The following KIZ variants were observed in gnomAD, a reference collection of about 807,000 sequenced individuals.
The protein encoded by KIZ is centrosomal protein kizuna.
A neutral mutation model predicts 79.6 loss-of-function variants in KIZ; 68 were observed. The observed-to-expected ratio is 0.85, with a 90% CI of 0.70 to 1.05. The LOEUF (loss-of-function observed/expected upper bound fraction) is 1.05. KIZ is among the 50% of genes least tolerant of loss of function. The pLI is 0.00. For missense variants in KIZ, 797 were observed against 800.4 expected (o/e 1.00, Z 0.05); for synonymous variants, 280 against 281.8 (o/e 0.99, Z 0.06).
intron 10 of KIZ, among the ~76,000 whole-genome samples, chr20:21,230,634 C>T (rs962096865): frequency 5.9e-5 from 9 of 152,072 alleles, no homozygotes; most frequent in African/African-American, 1.9e-4. Context: ...ATTTGGTGAC[C>T]AATGCACATT....
Position 21,139,950 on chromosome 20 carries a change from A to G in KIZ, c.315+3398A>G, listed in dbSNP as rs561506133. On this transcript the variant is annotated intron_variant, in intron 3 of 12. Coordinates refer to ENST00000619189, the MANE Select transcript of KIZ (RefSeq NM_018474.6). ...TACACTCAGGAAGGATGTGAGTTCCATGGAGAACTGGACTTTGGCCATCAC... is the reference window on the plus strand; with the variant it reads ...TACACTCAGGAAGGATGTGAGTTCCGTGGAGAACTGGACTTTGGCCATCAC... Among the ~76,000 whole-genome samples the G allele has an allele frequency of 3.0e-4, 45 of 152,324 alleles. 1 individual carries two copies. In the South Asian group the frequency reaches 9.1e-3, roughly 31 times the overall value.
At chr20:21,131,571 C>T (rs548113090) in intron 1 of KIZ, among the ~76,000 whole-genome samples, 1 of 152,282 alleles carries the variant, frequency 6.6e-6, no homozygotes, top group South Asian at 2.1e-4. Flanking sequence ...ACCCCATCAC[C>T]GAAATGCCAG....
intron 9 of KIZ, among the ~76,000 whole-genome samples, chr20:21,215,977 A>G (rs377516766): frequency 7.9e-5 from 12 of 152,294 alleles, no homozygotes; most frequent in African/African-American, 2.9e-4. Context: ...ACAGCAAACT[A>G]TAGATGTTTC....
At chr20:21,239,621 C>G (rs1401657717) in intron 11 of KIZ, among the ~76,000 whole-genome samples, 2 of 152,176 alleles carry the variant, frequency 1.3e-5, no homozygotes, top group East Asian at 3.9e-4. Flanking sequence ...GTAATTCTTA[C>G]TAACTTTATA....
intron 6 of KIZ, among the ~76,000 whole-genome samples, chr20:21,191,102 A>T (rs1374098916): frequency 2.0e-5 from 3 of 152,202 alleles, no homozygotes; most frequent in Non-Finnish European, 2.9e-5. Flanking sequence ...AAAGCTTGGG[A>T]CATTTTAATG....
chr20:21,139,589 C>T (rs2032400888), intron 3 of KIZ, among the ~76,000 whole-genome samples: 1 of 152,044 alleles, frequency 6.6e-6, no homozygotes, highest in Non-Finnish European at 1.5e-5. Flanking sequence ...AACATTTCTG[C>T]TTATCTTCAT....
Position 21,195,835 on chromosome 20 carries a change from G to T in KIZ, c.1353-9656G>T, listed in dbSNP as rs540063897. ...CTCCTCAGGGGGAGCTTTTGATGGAGGCACTGGCCCCAGCTCTCCACAGCC... is the reference window on the plus strand; with the variant it reads ...CTCCTCAGGGGGAGCTTTTGATGGATGCACTGGCCCCAGCTCTCCACAGCC... On this transcript the variant is annotated intron_variant, in intron 6 of 12. Coordinates refer to ENST00000619189, the MANE Select transcript of KIZ (RefSeq NM_018474.6). 3 of 152,566 alleles carry T rather than the reference G, an allele frequency of 2.0e-5. No individual in the cohort carries two copies. The East Asian group carries it at 5.8e-4, about 29-fold the overall frequency. The allele number at this position is 152,566 out of a possible 1,614,324, so 9.5% of individuals were successfully genotyped here. A position where few individuals can be genotyped will look rare whatever the true frequency, so the allele number is the denominator to read the frequency against.
chr20:21,201,277 A>G (rs1214939323), intron 6 of KIZ, among the ~76,000 whole-genome samples: 2 of 152,252 alleles, frequency 1.3e-5, no homozygotes, highest in South Asian at 2.1e-4. Context: ...AATATGATTC[A>G]TGTGATTTAG....
chr20:21,149,966 G>A (rs1321658526), intron 4 of KIZ, among the ~76,000 whole-genome samples: 1 of 152,216 alleles, frequency 6.6e-6, no homozygotes, highest in East Asian at 1.9e-4. Context: ...AGAGGAAGAT[G>A]GCATGGGGAA....
chr20:21,221,882 G>A (rs2036513348), intron 9 of KIZ, among the ~76,000 whole-genome samples: 1 of 151,642 alleles, frequency 6.6e-6, no homozygotes, highest in Non-Finnish European at 1.5e-5. Context: ...AACACCACTA[G>A]TACTGAGGTT....
At chr20:21,175,488 C>T (rs1368700729) in intron 6 of KIZ, among the ~76,000 whole-genome samples, 2 of 152,110 alleles carry the variant, frequency 1.3e-5, no homozygotes, top group Admixed American at 6.5e-5. Context: ...GGGATTCTAG[C>T]CTCAGTCAGA....
chr20:21,136,792 C>CT lies in KIZ; in HGVS notation c.315+248dup, dbSNP rs373344266. 1.4e-3 allele frequency among the ~76,000 whole-genome samples: 219 copies of CT among 151,806 alleles called. 1 individual carries two copies. Among genetic ancestry groups the CT allele is most frequent in the Non-Finnish European group, 2.2e-3 (152 of 67,906 alleles). On this transcript the variant is annotated intron_variant, in intron 3 of 12. Transcript: ENST00000619189. ...CCCAGGTTTATGTTTTGTTTTTAAT[C>CT]TTTTTTTTGCTAAAATGAGAAATAA...
At chr20:21,162,545 G>C (rs771104025) in intron 5 of KIZ, 38 bp downstream of exon 5, 2 of 1,531,344 alleles carry the variant, frequency 1.3e-6, no homozygotes, top group Middle Eastern at 2.0e-4. Context: ...TGATTTTTCT[G>C]GGTGGTAGTG....
At chr20:21,208,227 C>A (rs1360251797) in intron 7 of KIZ, among the ~76,000 whole-genome samples, 1 of 151,948 alleles carries the variant, frequency 6.6e-6, no homozygotes, top group Non-Finnish European at 1.5e-5. Flanking sequence ...GGTCCAAGTC[C>A]CAAACAACCA....
intron 6 of KIZ, among the ~76,000 whole-genome samples, chr20:21,163,400 CA>C (rs1183009547): frequency 6.6e-6 from 1 of 152,164 alleles, no homozygotes; most frequent in South Asian, 2.1e-4. Context: ...ATCATTGAAT[CA>C]TGGTGATTGC....
At chr20:21,138,926 C>CTTTTTTTTTTTT in intron 3 of KIZ, 1 of 95,448 alleles carries the variant, frequency 1.0e-5, no homozygotes, top group Non-Finnish European at 2.1e-5. Flanking sequence ...CTTTCAACCT[C>CTTTTTTTTTTTT]TTTTTTTTTT....
chr20:21,232,926 G>C, intron 11 of KIZ, 96 bp downstream of exon 11: 1 of 689,408 alleles, frequency 1.5e-6, no homozygotes, highest in Non-Finnish European at 2.7e-6. Flanking sequence ...TTTGTTGTAT[G>C]ACTTGGAGGG....
chr20:21,179,826 A>T (rs1297073678), intron 6 of KIZ, among the ~76,000 whole-genome samples: 1 of 152,088 alleles, frequency 6.6e-6, no homozygotes, highest in African/African-American at 2.4e-5. Flanking sequence ...GTGATCCATT[A>T]GTTGTTAGTG....
intron 9 of KIZ, among the ~76,000 whole-genome samples, chr20:21,222,026 C>T (rs1378492436): frequency 6.6e-6 from 1 of 152,224 alleles, no homozygotes; most frequent in Non-Finnish European, 1.5e-5. Flanking sequence ...CTGTGTGTTG[C>T]TGGATTGTCC....
Sources: allele counts gnomAD v4.1 joint callset (sites outside exome capture counted in the v4.1 genomes callset), GRCh38; gene constraint gnomAD v4.1.1; transcripts MANE v1.5; gene names NCBI Gene and HGNC (gene_info 2026-07-23, HGNC 2026-07-21).